Variants in VPS26C observed in about 807,000 individuals in gnomAD.
VPS26C encodes the protein vacuolar protein sorting-associated protein 26C.
VPS26C carries 19 observed loss-of-function variants against 30.6 expected under a neutral mutation model. That is an observed-to-expected ratio of 0.62 (90% CI 0.43 to 0.91). The LOEUF (loss-of-function observed/expected upper bound fraction) is 0.91. VPS26C is among the 40% of genes least tolerant of loss of function. The pLI is 0.00. For missense variants in VPS26C, 318 were observed against 385.1 expected (o/e 0.83, Z 1.46); for synonymous variants, 132 against 151.5 (o/e 0.87, Z 0.95).
At chr21:37,232,094 G>A (rs1032383948) in intron 5 of VPS26C, 3 of 420,988 alleles carry the variant, frequency 7.1e-6, no homozygotes, top group African/African-American at 2.0e-5. Context: ...GGGCAGCAGG[G>A]GGTCTTGGGG....
chr21:37,259,474 G>A (rs2086282104), intron 1 of VPS26C, among the ~76,000 whole-genome samples: 1 of 152,114 alleles, frequency 6.6e-6, no homozygotes, highest in South Asian at 2.1e-4. Context: ...ATGAGTACAT[G>A]TGCCAGAATT....
chr21:37,267,232 ACTT>A lies in VPS26C; in HGVS notation c.57+3_57+5del. On this transcript the variant is annotated splice_donor_5th_base_variant and intron_variant, in intron 1 of 7. Coordinates refer to ENST00000309117, the MANE Select transcript of VPS26C (RefSeq NM_006052.2). ...ACCTCCATCCCCACCCCCAGCCCCC[ACTT>A]ACCCCGGCGTGATAAACTTTATTCG... 4.5e-6 allele frequency: 1 copy of A among 223,716 alleles called. No individual in the cohort carries two copies. Among genetic ancestry groups the A allele is most frequent in the Non-Finnish European group, 8.0e-6 (1 of 124,744 alleles). 13.9% of individuals were successfully genotyped at this position (223,716 alleles called of 1,614,324 possible).
chr21:37,225,885 C>T (rs1430219037), intron 7 of VPS26C: 9 of 535,384 alleles, frequency 1.7e-5, no homozygotes, highest in Non-Finnish European at 2.7e-5. Flanking sequence ...AGTGATCAGG[C>T]TTCACCAACT....
At chr21:37,227,933 A>G (rs2085919300) in intron 6 of VPS26C, 127 bp from the exon 7 acceptor site, 3 of 1,238,458 alleles carry the variant, frequency 2.4e-6, no homozygotes, top group Non-Finnish European at 2.2e-6. Flanking sequence ...CTTTCCTTAG[A>G]CACGCGGCTA....
intron 5 of VPS26C, among the ~76,000 whole-genome samples, chr21:37,231,027 G>A (rs1297633558): frequency 5.3e-5 from 8 of 152,174 alleles, no homozygotes; most frequent in Admixed American, 6.5e-5. Context: ...CAAACACCCC[G>A]GCCACGTGCC....
intron 2 of VPS26C, 152 bp downstream of exon 2, chr21:37,240,344 C>T: frequency 1.2e-6 from 1 of 803,134 alleles, no homozygotes; most frequent in Non-Finnish European, 1.9e-6. Context: ...AGGCTACTCT[C>T]AAACTCCTGG....
intron 1 of VPS26C, chr21:37,262,004 T>G (rs996360933): frequency 1.2e-4 from 19 of 152,038 alleles, no homozygotes; most frequent in African/African-American, 3.4e-4. Flanking sequence ...GTGGGAAATG[T>G]CTACATTTTT....
chr21:37,245,011 C>A (rs377541335), intron 1 of VPS26C, among the ~76,000 whole-genome samples: 1 of 152,200 alleles, frequency 6.6e-6, no homozygotes, highest in Non-Finnish European at 1.5e-5. Flanking sequence ...TGGGCTCATG[C>A]AAAGTCAAGA....
At chr21:37,227,843 G>A (rs368795275) in intron 6 of VPS26C, 37 bp from the exon 7 acceptor site, 39 of 1,468,116 alleles carry the variant, frequency 2.7e-5, no homozygotes, top group South Asian at 1.9e-4. Flanking sequence ...GTCAGGGCCA[G>A]CAGAGGCTGC....
chr21:37,239,259 C>T (rs1450527393), intron 2 of VPS26C, among the ~76,000 whole-genome samples: 1 of 152,206 alleles, frequency 6.6e-6, no homozygotes, highest in Admixed American at 6.5e-5. Flanking sequence ...GGAAGTGAAT[C>T]TCTTAAGTAC....
In VPS26C at chr21:37,226,949, G is replaced by T. The variant is rs1318074675; in HGVS notation, c.811+705C>A. ...TTAACATGATTCTTATTAAGATGGA[G>T]GTCCCATTACAATATTTATAGGAAG... is the stretch of plus-strand genomic sequence containing the variant. On this transcript the variant is annotated intron_variant, in intron 7 of 7. Transcript: ENST00000309117. This position sits in a 1 kb window ranked among gnomAD's most constrained non-coding sequence, Gnocchi z 4.1. The T allele has an allele frequency of 1.3e-5, 2 of 152,242 alleles. No individual in the cohort carries two copies. The highest frequency in any genetic ancestry group is 4.8e-5 in the African/African-American group (2 of 41,452). The allele number at this position is 152,242 out of a possible 1,614,324, so 9.4% of individuals were successfully genotyped here. A position where few individuals can be genotyped will look rare whatever the true frequency, so the allele number is the denominator to read the frequency against.
At chr21:37,243,743 C>G (rs1422366432) in intron 1 of VPS26C, among the ~76,000 whole-genome samples, 1 of 152,154 alleles carries the variant, frequency 6.6e-6, no homozygotes, top group Non-Finnish European at 1.5e-5. Context: ...CAGCCCGCAC[C>G]CTAGAGCTTA....
Position 37,228,300 on chromosome 21 carries a change from G to A in VPS26C, c.581C>T (p.Thr194Met), listed in dbSNP as rs141247010. The change falls in exon 6 of 8, where the codon ACG becomes ATG. Residue 194 changes from threonine to methionine, a missense_variant. Transcript: ENST00000309117. ...CGAGCTCTCCACCACCAGCTCTCCC[G>A]TTAGTGGCTGCGTGATGACACAGTT... ...STNCVITQPLTGELVVESSEA... is the reference protein window; with the variant it reads ...STNCVITQPLMGELVVESSEA... 3.8e-4 allele frequency: 618 copies of A among 1,614,194 alleles called. 2 individuals carry two copies. The highest frequency in any genetic ancestry group is 2.0e-4 in the Admixed American group (12 of 60,028).
In VPS26C at chr21:37,233,151, C is replaced by T. The variant is rs73903510; in HGVS notation, c.432+211G>A. 8.1e-3 allele frequency: 4,260 copies of T among 527,448 alleles called. 128 individuals carry two copies. Among genetic ancestry groups the T allele is most frequent in the African/African-American group, 0.072 (3,811 of 52,828 alleles). 32.7% of individuals were successfully genotyped at this position (527,448 alleles called of 1,614,324 possible). Reference sequence around the variant, plus strand: ...GTGCCGACGTGGAGTCCCTCTGGCCCGCGGCCTCAGCTGGGGGACTCTGGG... The same window carrying T: ...GTGCCGACGTGGAGTCCCTCTGGCCTGCGGCCTCAGCTGGGGGACTCTGGG... On this transcript the variant is annotated intron_variant, in intron 4 of 7. Coordinates refer to ENST00000309117, the MANE Select transcript of VPS26C (RefSeq NM_006052.2). The surrounding 1 kb of genome is among the most constrained non-coding windows in gnomAD (Gnocchi z 5.2).
At chr21:37,252,328 C>T (rs2086202244) in intron 1 of VPS26C, among the ~76,000 whole-genome samples, 1 of 152,138 alleles carries the variant, frequency 6.6e-6, no homozygotes, top group Non-Finnish European at 1.5e-5. Flanking sequence ...TAGGTATCCC[C>T]ATCTCCACTA....
At chr21:37,229,778 GCTCTGGACCTGAAAAGCCCGGGA>G (rs2085942601) in intron 5 of VPS26C, among the ~76,000 whole-genome samples, 1 of 152,190 alleles carries the variant, frequency 6.6e-6, no homozygotes, top group Non-Finnish European at 1.5e-5. Flanking sequence ...AGGCAGTGAA[GCTCTGGACCTGAAAAGCCCGGGA>G]CTCTGGACCT....
At chr21:37,261,763 C>T (rs987506815) in intron 1 of VPS26C, 4 of 151,910 alleles carry the variant, frequency 2.6e-5, no homozygotes, top group Non-Finnish European at 4.4e-5. Flanking sequence ...AGCATTATCT[C>T]GGGGTCCTCT....
chr21:37,225,172 CAG>C lies in VPS26C; in HGVS notation c.*370_*371del, dbSNP rs2085885966. ...TCCCTGGCTACATCCATTAGCAAGT[CAG>C]AGGTTTCCTTTTGTCCCCATGATGC... On this transcript the variant is annotated 3_prime_UTR_variant, in exon 8 of 8. Transcript: ENST00000309117. The C allele has an allele frequency of 4.0e-6, 1 of 251,200 alleles. No individual in the cohort carries two copies. The highest frequency in any genetic ancestry group is 2.2e-5 in the African/African-American group (1 of 45,978). 15.6% of individuals were successfully genotyped at this position (251,200 alleles called of 1,614,324 possible). A position where few individuals can be genotyped will look rare whatever the true frequency, so the allele number is the denominator to read the frequency against.
chr21:37,251,008 T>G (rs1454308841), intron 1 of VPS26C, among the ~76,000 whole-genome samples: 1 of 151,238 alleles, frequency 6.6e-6, no homozygotes, highest in Non-Finnish European at 1.5e-5. Context: ...GAATGCAGAT[T>G]GTTCCTAAAC....
Sources: gnomAD v4.1 joint callset for allele counts (sites outside exome capture counted in the v4.1 genomes callset) on GRCh38, gnomAD v4.1.1 for gene constraint, Gnocchi (gnomAD v3.1) non-coding constraint, MANE v1.5 for transcripts, NCBI Gene and HGNC (gene_info 2026-07-23, HGNC 2026-07-21) for gene names.